Variants in HMGCLL1 observed in about 807,000 individuals in gnomAD.
The protein encoded by HMGCLL1 is 3-hydroxymethyl-3-methylglutaryl-CoA lyase, cytoplasmic.
A neutral mutation model predicts 39.1 loss-of-function variants in HMGCLL1; 36 were observed. That is an observed-to-expected ratio of 0.92 (90% CI 0.71 to 1.22). The LOEUF (loss-of-function observed/expected upper bound fraction) is 1.22. Among genes scored for constraint, HMGCLL1 ranks in the 50% most tolerant of loss-of-function variants. The pLI is 0.00. For missense variants in HMGCLL1, 451 were observed against 416.5 expected (o/e 1.08, Z -0.72); for synonymous variants, 149 against 144.0 (o/e 1.03, Z -0.25).
At chr6:55,437,357 CA>C (rs1331514619) in intron 8 of HMGCLL1, among the ~76,000 whole-genome samples, 1 of 151,398 alleles carries the variant, frequency 6.6e-6, no homozygotes, top group African/African-American at 2.4e-5. Context: ...GTTAAAGCCA[CA>C]AATAGAGATA....
chr6:55,518,679 C>T (rs984865252), intron 3 of HMGCLL1, among the ~76,000 whole-genome samples: 2 of 152,130 alleles, frequency 1.3e-5, no homozygotes, highest in Non-Finnish European at 2.9e-5. Context: ...AAAGAGGCCA[C>T]ATAAGGAGAC....
the HMGCLL1 span, among the ~76,000 whole-genome samples, chr6:55,671,981 T>C: frequency 2.2e-3 from 332 of 151,888 alleles, no homozygotes; most frequent in Non-Finnish European, 3.7e-3. Flanking sequence ...TGTATTTGTG[T>C]GTTCATATGC....
the HMGCLL1 span, among the ~76,000 whole-genome samples, chr6:55,674,561 A>C: frequency 6.6e-6 from 1 of 152,074 alleles, no homozygotes; most frequent in Admixed American, 6.6e-5. Context: ...TGTTATTATC[A>C]TAACTACCTA....
chr6:55,669,045 G>A, the HMGCLL1 span, among the ~76,000 whole-genome samples: 1 of 150,870 alleles, frequency 6.6e-6, no homozygotes, highest in Non-Finnish European at 1.5e-5. Flanking sequence ...GACAATTTCT[G>A]GCCAAAGTAC....
At chr6:55,678,494 G>A in the HMGCLL1 span, among the ~76,000 whole-genome samples, 1 of 152,080 alleles carries the variant, frequency 6.6e-6, no homozygotes, top group Non-Finnish European at 1.5e-5. Context: ...TAGTAAAATT[G>A]CACCTAAGCT....
intron 1 of HMGCLL1, among the ~76,000 whole-genome samples, chr6:55,560,810 A>G (rs1394018247): frequency 6.6e-6 from 1 of 152,156 alleles, no homozygotes; most frequent in Non-Finnish European, 1.5e-5. Context: ...CTCACAAAAA[A>G]CAGCTAACAT....
At chr6:55,464,682 A>G (rs756210911) in intron 7 of HMGCLL1, among the ~76,000 whole-genome samples, 3 of 152,162 alleles carry the variant, frequency 2.0e-5, no homozygotes, top group Non-Finnish European at 4.4e-5. Context: ...TTTGACACTC[A>G]GAGCCCAGGC....
At chr6:55,484,489 A>G (rs1765909980) in intron 7 of HMGCLL1, among the ~76,000 whole-genome samples, 1 of 152,018 alleles carries the variant, frequency 6.6e-6, no homozygotes, top group South Asian at 2.1e-4. Context: ...CTGCCTACTC[A>G]AAAGCTCCAT....
At chr6:55,650,270 T>C in the HMGCLL1 span, among the ~76,000 whole-genome samples, 1 of 151,096 alleles carries the variant, frequency 6.6e-6, no homozygotes, top group Non-Finnish European at 1.5e-5. Context: ...ATTGAAGGGT[T>C]AGGTACTTAT....
At chr6:55,660,737 A>G in the HMGCLL1 span, among the ~76,000 whole-genome samples, 1 of 151,886 alleles carries the variant, frequency 6.6e-6, no homozygotes, top group Non-Finnish European at 1.5e-5. Context: ...ATAACCTGTA[A>G]TGGGATTGGG....
At chr6:55,575,052 G>A (rs1771696009) in intron 1 of HMGCLL1, among the ~76,000 whole-genome samples, 1 of 151,944 alleles carries the variant, frequency 6.6e-6, no homozygotes, top group Non-Finnish European at 1.5e-5. Flanking sequence ...ATTGCTTAAG[G>A]AACACTTGAA....
chr6:55,508,124 T>C (rs1208113947), intron 5 of HMGCLL1, among the ~76,000 whole-genome samples: 2 of 151,768 alleles, frequency 1.3e-5, no homozygotes, highest in African/African-American at 4.8e-5. Flanking sequence ...AGAAGTCCTA[T>C]ATTTGGAGGG....
At chr6:55,476,914 A>G (rs1015970359) in intron 7 of HMGCLL1, among the ~76,000 whole-genome samples, 1 of 149,802 alleles carries the variant, frequency 6.7e-6, no homozygotes, top group African/African-American at 2.5e-5. Flanking sequence ...TGCATCTAAC[A>G]TCACACGGGG....
At chr6:55,557,246 CT>C (rs1363328575) in intron 1 of HMGCLL1, among the ~76,000 whole-genome samples, 2 of 152,180 alleles carry the variant, frequency 1.3e-5, no homozygotes. Context: ...ATATGGTTGT[CT>C]TTAATCTGAT....
chr6:55,527,913 G>A (rs958228289), intron 3 of HMGCLL1, among the ~76,000 whole-genome samples: 4 of 151,798 alleles, frequency 2.6e-5, no homozygotes, highest in African/African-American at 9.7e-5. Context: ...TCTTTTTATT[G>A]GTACATCCAT....
the HMGCLL1 span, among the ~76,000 whole-genome samples, chr6:55,664,677 G>A: frequency 4.6e-5 from 7 of 151,658 alleles, no homozygotes; most frequent in Admixed American, 2.0e-4. Flanking sequence ...CAGGAATCTG[G>A]ACAAGGCTTA....
chr6:55,498,347 G>A (rs2127425687), intron 6 of HMGCLL1, among the ~76,000 whole-genome samples: 1 of 152,230 alleles, frequency 6.6e-6, no homozygotes, highest in Non-Finnish European at 1.5e-5. Flanking sequence ...TATAGTATAT[G>A]TGCCTCTGTG....
At chr6:55,665,370 C>T in the HMGCLL1 span, among the ~76,000 whole-genome samples, 3 of 151,544 alleles carry the variant, frequency 2.0e-5, no homozygotes, top group Non-Finnish European at 4.4e-5. Flanking sequence ...GAATACACTC[C>T]CTTGTTGAGT....
the HMGCLL1 span, among the ~76,000 whole-genome samples, chr6:55,584,718 G>T: frequency 6.6e-6 from 1 of 152,150 alleles, no homozygotes; most frequent in African/African-American, 2.4e-5. Flanking sequence ...AAGTCTCTAT[G>T]CTGACAGCAT....
Sources: allele counts gnomAD v4.1 joint callset (sites outside exome capture counted in the v4.1 genomes callset), GRCh38; gene constraint gnomAD v4.1.1; transcripts MANE v1.5; gene names NCBI Gene and HGNC (gene_info 2026-07-23, HGNC 2026-07-21).